Variants in ATP13A3 observed in about 807,000 individuals in gnomAD.
ATP13A3 encodes ATPase 13A3, also known as polyamine-transporting ATPase 13A3.
In ATP13A3, 59 loss-of-function variants were observed where a neutral mutation model predicts 158.1. The observed-to-expected ratio is 0.37, with a 90% CI of 0.30 to 0.46. The LOEUF (loss-of-function observed/expected upper bound fraction) is 0.46, where lower values mean the gene tolerates loss of function less well. ATP13A3 is among the 20% of genes least tolerant of loss of function. The pLI is 1.00. For synonymous variants in ATP13A3, 491 were observed against 504.3 expected, an observed-to-expected ratio of 0.97 and a Z score of 0.35; for missense variants, 1,166 against 1,525.2, an observed-to-expected ratio of 0.76 and a Z score of 3.92.
At chr3:194,458,758 C>T (rs1719430368) in intron 6 of ATP13A3, among the ~76,000 whole-genome samples, 1 of 152,100 alleles carries the variant, frequency 6.6e-6, no homozygotes, top group South Asian at 2.1e-4. Context: ...AATGCCCATG[C>T]CCATTCCAGA....
rs1376912188 is a variant in ATP13A3, at chr3:194,412,246, G to A, written c.3526C>T (p.Arg1176Ter). The change falls in exon 33 of 34, where the codon CGA (arginine) becomes TGA (stop). Residue 1176 changes from arginine to a stop codon, truncating the protein, a stop_gained. Coordinates refer to ENST00000645319, the MANE Select transcript of ATP13A3 (RefSeq NM_001367549.1). LOFTEE classifies it high-confidence loss of function. ...DMVLWKVVFNRDKQGEYRFST... is the reference protein window; with the variant it reads ...DMVLWKVVFN ...AACCGATACTCTCCTTGTTTGTCTC[G>A]GTTGAACACAACTTTCCAAAGGACC... 2.0e-6 allele frequency: 3 copies of A among 1,536,336 alleles called. No individual in the cohort carries two copies. The highest frequency in any genetic ancestry group is 1.2e-5 in the South Asian group (1 of 84,040).
intron 2 of ATP13A3, among the ~76,000 whole-genome samples, chr3:194,475,525 C>G (rs1178704964): frequency 6.6e-6 from 1 of 152,066 alleles, no homozygotes; most frequent in Non-Finnish European, 1.5e-5. Context: ...TGAAACCTAC[C>G]CACGCTAACC....
In ATP13A3 at chr3:194,447,123, T is replaced by C; in HGVS notation, c.1309-8A>G. 1.3e-6 allele frequency: 2 copies of C among 1,591,190 alleles called. No homozygotes were observed. Among genetic ancestry groups the C allele is most frequent in the Non-Finnish European group, 1.7e-6 (2 of 1,170,568 alleles). On this transcript the variant is annotated splice_region_variant and splice_polypyrimidine_tract_variant and intron_variant, in intron 13 of 33. Coordinates refer to ENST00000645319, the MANE Select transcript of ATP13A3 (RefSeq NM_001367549.1). ...TATGACCCCAACTTGTACCTACAATTAACACAAAAATAAATGTCAAATCCC... is the reference window on the plus strand; with the variant it reads ...TATGACCCCAACTTGTACCTACAATCAACACAAAAATAAATGTCAAATCCC...
chr3:194,409,693 A>ATTTTTTTTTTTTTTTTTTTTTTTTT lies in ATP13A3; in HGVS notation c.3573+2481_3573+2505dup, dbSNP rs71179358. Among the ~76,000 whole-genome samples, 22 of 93,992 alleles carry ATTTTTTTTTTTTTTTTTTTTTTTTT rather than the reference A, an allele frequency of 2.3e-4. 3 individuals carry two copies. The highest frequency in any genetic ancestry group is 8.9e-4 in the South Asian group (2 of 2,248). 61.7% of individuals were successfully genotyped at this position (93,992 alleles called of 152,430 possible). A position where few individuals can be genotyped will look rare whatever the true frequency, so the allele number is the denominator to read the frequency against. On this transcript the variant is annotated intron_variant, in intron 33 of 33. Coordinates refer to ENST00000645319, the MANE Select transcript of ATP13A3 (RefSeq NM_001367549.1). ...TGCTTGATAATCACTGACGTAAAGAATTTTTTTTTTTTTTTTTTTTTTTTT... is the reference window on the plus strand; with the variant it reads ...TGCTTGATAATCACTGACGTAAAGAATTTTTTTTTTTTTTTTTTTTTTTTTTTTTTTTTTTTTTTTTTTTTTTTTT...
chr3:194,468,948 G>C (rs1006622268), intron 2 of ATP13A3, among the ~76,000 whole-genome samples: 3 of 152,030 alleles, frequency 2.0e-5, no homozygotes, highest in Non-Finnish European at 4.4e-5. Flanking sequence ...AGCGTGGTCA[G>C]CATGGTGAAA....
At chr3:194,406,290 C>T (rs556126874) in intron 33 of ATP13A3, among the ~76,000 whole-genome samples, 174 bp from the exon 34 acceptor site, 4 of 152,012 alleles carry the variant, frequency 2.6e-5, no homozygotes, top group South Asian at 4.2e-4. Context: ...TTTGGCCGGG[C>T]GTGGTGGCTC....
At chr3:194,449,685 CAAACAAAAAAA>C (rs1415550328) in intron 11 of ATP13A3, among the ~76,000 whole-genome samples, 24 of 139,256 alleles carry the variant, frequency 1.7e-4, no homozygotes, top group Admixed American at 7.6e-4. Flanking sequence ...TCAAAACAAA[CAAACAAAAAAA>C]AAACAAAAAA....
intron 30 of ATP13A3, among the ~76,000 whole-genome samples, chr3:194,424,945 GA>G (rs1716650835): frequency 6.6e-6 from 1 of 152,166 alleles, no homozygotes; most frequent in Admixed American, 6.5e-5. Context: ...TCCAACTGAG[GA>G]ACCTCTGTCT....
At chr3:194,478,312 A>G (rs1343230324) in intron 2 of ATP13A3, among the ~76,000 whole-genome samples, 1 of 151,936 alleles carries the variant, frequency 6.6e-6, no homozygotes, top group Non-Finnish European at 1.5e-5. Flanking sequence ...AAGCAAACAA[A>G]TATCAAACAA....
chr3:194,457,749 A>G (rs1457790797), intron 6 of ATP13A3, among the ~76,000 whole-genome samples: 6 of 151,958 alleles, frequency 3.9e-5, no homozygotes, highest in Non-Finnish European at 8.8e-5. Context: ...GGCTTCAACT[A>G]ACACATCTAC....
At chr3:194,416,558 T>C (rs1440570374) in intron 31 of ATP13A3, among the ~76,000 whole-genome samples, 1 of 152,124 alleles carries the variant, frequency 6.6e-6, no homozygotes, top group African/African-American at 2.4e-5. Context: ...ACACTAGAAA[T>C]ATACAGCAAA....
At chr3:194,426,874 C>T (rs986664859) in intron 29 of ATP13A3, among the ~76,000 whole-genome samples, 2 of 152,044 alleles carry the variant, frequency 1.3e-5, no homozygotes, top group Non-Finnish European at 2.9e-5. Context: ...GTTAACCAGG[C>T]TGGTCTCGAA....
upstream of ATP13A3, among the ~76,000 whole-genome samples, chr3:194,491,329 G>A (rs901027116): frequency 3.9e-5 from 6 of 151,952 alleles, no homozygotes; most frequent in African/African-American, 1.2e-4. Context: ...TAGCAAAGAC[G>A]CTGTCACCCA....
intron 15 of ATP13A3, among the ~76,000 whole-genome samples, chr3:194,444,139 A>G (rs557923155): frequency 7.2e-4 from 110 of 152,374 alleles, no homozygotes; most frequent in African/African-American, 2.4e-3. Flanking sequence ...AGCCGTGCCC[A>G]TGCTACGGCC....
intron 24 of ATP13A3, 26 bp from the exon 25 acceptor site, chr3:194,430,341 TTTAA>T (rs777970573): frequency 1.3e-5 from 21 of 1,602,988 alleles, no homozygotes; most frequent in African/African-American, 2.7e-5. Flanking sequence ...ATGTTAAGAT[TTTAA>T]TTAATTTCTT....
chr3:194,433,921 A>G (rs1315704365), intron 20 of ATP13A3, 25 bp from the exon 21 acceptor site: 1 of 1,607,220 alleles, frequency 6.2e-7, no homozygotes, highest in Non-Finnish European at 8.5e-7. Flanking sequence ...GTTTTAACAC[A>G]TAATGGTTTA....
chr3:194,464,436 T>C (rs1450730651), intron 2 of ATP13A3, among the ~76,000 whole-genome samples: 3 of 152,126 alleles, frequency 2.0e-5, no homozygotes, highest in African/African-American at 4.8e-5. Flanking sequence ...CTAGAGCATA[T>C]TACCAGAGTT....
At chr3:194,431,354 G>T in intron 22 of ATP13A3, 128 bp from the exon 23 acceptor site, 1 of 1,139,438 alleles carries the variant, frequency 8.8e-7, no homozygotes, top group Non-Finnish European at 1.2e-6. Flanking sequence ...ATGAAAGCCG[G>T]ACATTTATTC....
intron 15 of ATP13A3, among the ~76,000 whole-genome samples, chr3:194,442,580 A>G (rs1406494373): frequency 6.6e-6 from 1 of 152,206 alleles, no homozygotes; most frequent in African/African-American, 2.4e-5. Context: ...GTGGGAGCAG[A>G]CTTGGAAAGA....
Sources: allele counts gnomAD v4.1 joint callset (sites outside exome capture counted in the v4.1 genomes callset), GRCh38; gene constraint gnomAD v4.1.1; transcripts MANE v1.5; gene names NCBI Gene and HGNC (gene_info 2026-07-23, HGNC 2026-07-21).